Variants in NAALADL2 observed in about 807,000 individuals in gnomAD.
The protein encoded by NAALADL2 is inactive N-acetylated-alpha-linked acidic dipeptidase-like protein 2.
Under a neutral mutation model 87.2 loss-of-function variants are expected in NAALADL2, and 76 were observed. The ratio of observed to expected loss-of-function variants is 0.87; its 90% CI spans 0.72 to 1.05. The LOEUF (loss-of-function observed/expected upper bound fraction) is 1.05. NAALADL2 is among the 50% of genes least tolerant of loss of function. NAALADL2 has a pLI of 0.00. For synonymous variants in NAALADL2, 354 were observed against 331.0 expected (o/e 1.07, Z -0.75); for missense variants, 1,089 against 945.8 (o/e 1.15, Z -1.99).
chr3:174,580,884 AT>A (rs1716094505), intron 2 of NAALADL2, among the ~76,000 whole-genome samples: 1 of 152,114 alleles, frequency 6.6e-6, no homozygotes, highest in Non-Finnish European at 1.5e-5. Context: ...TGTTAAGTAT[AT>A]TTTGATTTTT....
At chr3:174,816,288 G>A (rs1350356112) in intron 3 of NAALADL2, among the ~76,000 whole-genome samples, 1 of 150,984 alleles carries the variant, frequency 6.6e-6, no homozygotes, top group African/African-American at 2.4e-5. Flanking sequence ...AGAGAGAACA[G>A]ATAGTCTATA....
chr3:174,595,952 T>G (rs904943014), intron 2 of NAALADL2, among the ~76,000 whole-genome samples: 4 of 152,006 alleles, frequency 2.6e-5, no homozygotes, highest in Non-Finnish European at 5.9e-5. Flanking sequence ...GTGGAGGTTG[T>G]GGTGAGCTGA....
intron 3 of NAALADL2, among the ~76,000 whole-genome samples, chr3:174,779,822 A>G (rs534868893): frequency 6.6e-6 from 1 of 152,202 alleles, no homozygotes; most frequent in Non-Finnish European, 1.5e-5. Context: ...CTTCTGTTAC[A>G]TTGGTCTACA....
At chr3:174,604,744 G>A (rs143830619) in intron 2 of NAALADL2, among the ~76,000 whole-genome samples, 17 of 150,324 alleles carry the variant, frequency 1.1e-4, no homozygotes, top group African/African-American at 3.7e-4. Context: ...TCCACTGTAT[G>A]TTTTGTTCTT....
rs559908931 is a variant in NAALADL2, at chr3:174,982,908, C to T, written c.44-113882C>T. Among the ~76,000 whole-genome samples the T allele has an allele frequency of 2.5e-3, 381 of 152,306 alleles. 1 individual carries two copies. In the Middle Eastern group the frequency reaches 0.027, roughly 11 times the overall value. The stretch of plus-strand genomic sequence containing the variant: ...CGCCTCCTGGGTTCACGCCATTCTC[C>T]TGCCTCAGCCTCCTGAGTAGCTGGG... On this transcript the variant is annotated intron_variant, in intron 1 of 13. Transcript: ENST00000454872.
intron 1 of NAALADL2, among the ~76,000 whole-genome samples, chr3:174,479,525 G>T (rs553043818): frequency 6.6e-6 from 1 of 152,100 alleles, no homozygotes; most frequent in Non-Finnish European, 1.5e-5. Context: ...ATGCACAACA[G>T]CTTTAGAAAA....
rs79761091 is a variant in NAALADL2 at position 174,557,792 on chromosome 3, C to T, written c.-115+7155C>T. ...GATTTGCTAGGTGGACTCACCAGAC[C>T]CAGCATATAGTCATCCTCATGTTAT... is the stretch of plus-strand genomic sequence containing the variant. On this transcript the variant is annotated intron_variant, in intron 2 of 3. Transcript: ENST00000434257. Among the ~76,000 whole-genome samples the T allele has an allele frequency of 1.9e-3, 292 of 151,972 alleles. 1 individual carries two copies. Among genetic ancestry groups the T allele is most frequent in the Middle Eastern group, 6.8e-3 (2 of 294 alleles).
chr3:175,575,909 G>A (rs769054215), intron 9 of NAALADL2, 132 bp from the exon 10 acceptor site: 115 of 685,892 alleles, frequency 1.7e-4, no homozygotes, highest in Admixed American at 6.6e-4. Flanking sequence ...TGGGGCCTAA[G>A]CATTTGCATT....
intron 1 of NAALADL2, chr3:174,863,726 C>T (rs1223777219): frequency 1.0e-5 from 2 of 197,044 alleles, no homozygotes; most frequent in African/African-American, 4.8e-5. Flanking sequence ...TCTCTGTATT[C>T]ATCATCAGAA....
Position 175,807,182 on chromosome 3 carries a change from C to A in NAALADL2, c.*3979C>A, listed in dbSNP as rs1435366041. On this transcript the variant is annotated 3_prime_UTR_variant, in exon 14 of 14. Transcript: ENST00000454872. ...TTCTCTAAATGCTTATATAATTTCA[C>A]TAAAAAAAGAAAAGCAGGTGCTGTG... 6.6e-6 allele frequency: 1 copy of A among 151,556 alleles called. No homozygotes were observed. The highest frequency in any genetic ancestry group is 1.5e-5 in the Non-Finnish European group (1 of 67,814). 9.4% of individuals were successfully genotyped at this position (151,556 alleles called of 1,614,324 possible).
At chr3:175,717,803 A>ATTT (rs10575051) in intron 11 of NAALADL2, among the ~76,000 whole-genome samples, 44 of 117,894 alleles carry the variant, frequency 3.7e-4, no homozygotes, top group East Asian at 9.7e-4. Flanking sequence ...AAGAGAGCAG[A>ATTT]TTTTTTTTTT....
rs146516684 is a variant in NAALADL2, at chr3:175,354,272, A to G, written c.1090+29947A>G. On this transcript the variant is annotated intron_variant, in intron 5 of 13. Transcript: ENST00000454872. ...TCCAACCTAACTTTAAATATAAATT[A>G]TGTAGAAACCATTACTCTTGAACAG... Among the ~76,000 whole-genome samples, 4 of 152,350 alleles carry G rather than the reference A, an allele frequency of 2.6e-5. No individual in the cohort carries two copies. In the East Asian group the frequency reaches 7.7e-4, roughly 29 times the overall value.
chr3:175,015,101 A>G (rs1750642650), intron 1 of NAALADL2, among the ~76,000 whole-genome samples: 1 of 152,246 alleles, frequency 6.6e-6, no homozygotes, highest in East Asian at 1.9e-4. Context: ...GCGTAGACAT[A>G]TAAAGGTCAT....
chr3:174,924,213 C>G (rs1229984665), intron 1 of NAALADL2, among the ~76,000 whole-genome samples: 1 of 99,154 alleles, frequency 1.0e-5, no homozygotes, highest in Non-Finnish European at 1.9e-5. Context: ...CCTCCCCCCT[C>G]CCCCCACCCC....
intron 1 of NAALADL2, among the ~76,000 whole-genome samples, chr3:174,991,246 AGT>A (rs1746700876): frequency 6.6e-6 from 1 of 152,122 alleles, no homozygotes; most frequent in African/African-American, 2.4e-5. Flanking sequence ...GTTGTAGAAC[AGT>A]AAATACAAGA....
At chr3:175,298,746 A>G (rs1756673234) in intron 4 of NAALADL2, among the ~76,000 whole-genome samples, 1 of 152,138 alleles carries the variant, frequency 6.6e-6, no homozygotes, top group Admixed American at 6.6e-5. Context: ...ATCAGAATTA[A>G]GCTATCTTGT....
chr3:174,561,685 G>A (rs1228435180), intron 2 of NAALADL2, among the ~76,000 whole-genome samples: 2 of 152,160 alleles, frequency 1.3e-5, no homozygotes, highest in Non-Finnish European at 2.9e-5. Flanking sequence ...GGGCCTAGCA[G>A]AAGAATCAGA....
chr3:174,755,583 G>T (rs1008960950), intron 3 of NAALADL2, among the ~76,000 whole-genome samples: 1 of 152,112 alleles, frequency 6.6e-6, no homozygotes, highest in East Asian at 1.9e-4. Flanking sequence ...GAATACTCCA[G>T]TTCTGCATAT....
At chr3:175,285,867 C>A (rs1467990280) in intron 4 of NAALADL2, among the ~76,000 whole-genome samples, 1 of 152,030 alleles carries the variant, frequency 6.6e-6, no homozygotes, top group Non-Finnish European at 1.5e-5. Flanking sequence ...GTTATTTCTA[C>A]CCTCAAAGAT....
Sources: gnomAD v4.1 joint callset for allele counts (sites outside exome capture counted in the v4.1 genomes callset) on GRCh38, gnomAD v4.1.1 for gene constraint, MANE v1.5 for transcripts, NCBI Gene and HGNC (gene_info 2026-07-23, HGNC 2026-07-21) for gene names.